Variants in NOTCH2NLC observed in about 807,000 individuals in gnomAD.
NOTCH2NLC encodes the protein notch homolog 2 N-terminal-like protein C.
In NOTCH2NLC, 4 loss-of-function variants were observed where a neutral mutation model predicts 17.7. That is an observed-to-expected ratio of 0.23 (90% CI 0.11 to 0.52). The LOEUF (loss-of-function observed/expected upper bound fraction) is 0.52. NOTCH2NLC is among the 20% of genes least tolerant of loss of function. The pLI is 0.96. For synonymous variants in NOTCH2NLC, 18 were observed against 86.0 expected (o/e 0.21, Z 4.38); for missense variants, 57 against 207.2 (o/e 0.28, Z 4.45).
At chr1:149,432,485 C>A (rs1473994571) in intron 2 of NOTCH2NLC, among the ~76,000 whole-genome samples, 61 of 151,190 alleles carry the variant, frequency 4.0e-4, no homozygotes, top group African/African-American at 1.4e-3. Flanking sequence ...ACATGTGGTG[C>A]ATTCTCCTCT....
At chr1:149,444,995 C>A (rs1190921577) in intron 2 of NOTCH2NLC, among the ~76,000 whole-genome samples, 1 of 148,272 alleles carries the variant, frequency 6.7e-6, no homozygotes, top group Non-Finnish European at 1.5e-5. Flanking sequence ...GTGGGAATGG[C>A]AAGAAGTAGT....
intron 1 of NOTCH2NLC, among the ~76,000 whole-genome samples, chr1:149,393,119 G>A (rs2084185030): frequency 6.7e-6 from 1 of 149,356 alleles, no homozygotes; most frequent in Admixed American, 6.7e-5. Flanking sequence ...GTCAGAAATG[G>A]GATTACTCTG....
chr1:149,433,385 A>C (rs2084464375), intron 2 of NOTCH2NLC, among the ~76,000 whole-genome samples: 1 of 148,750 alleles, frequency 6.7e-6, no homozygotes, highest in Non-Finnish European at 1.5e-5. Context: ...ACCATGGCAC[A>C]TGTATACCTA....
At chr1:149,449,697 G>A (rs2084580644) in intron 2 of NOTCH2NLC, among the ~76,000 whole-genome samples, 1 of 151,246 alleles carries the variant, frequency 6.6e-6, no homozygotes, top group South Asian at 2.1e-4. Flanking sequence ...GTAGACTTTA[G>A]TATTTCCAGA....
In NOTCH2NLC at chr1:149,471,811, A is replaced by G. The variant is rs1213374914; in HGVS notation, c.*7658A>G. Among the ~76,000 whole-genome samples the G allele has an allele frequency of 6.8e-6, 1 of 146,666 alleles. No homozygotes were observed. Among genetic ancestry groups the G allele is most frequent in the Non-Finnish European group, 1.5e-5 (1 of 66,190 alleles). On this transcript the variant is annotated 3_prime_UTR_variant, in exon 5 of 5. Transcript: ENST00000650865. ...TACTATGGAACTAATAATAACAGTA[A>G]TAAAGCAAGGTGTCTTTCCACATCT... is the stretch of plus-strand genomic sequence containing the variant.
intron 1 of NOTCH2NLC, among the ~76,000 whole-genome samples, chr1:149,423,949 A>T (rs2084396038): frequency 6.7e-6 from 1 of 150,148 alleles, no homozygotes; most frequent in African/African-American, 2.5e-5. Context: ...ACACTGGCTG[A>T]AGTACAGACT....
In NOTCH2NLC at chr1:149,468,803, G is replaced by C. The variant is rs1341940885; in HGVS notation, c.*4650G>C. ...AAGCAGTGAGCCTGGGCGGGTGATG[G>C]AGTGGGAGATACGTGGCACAGGGGT... On this transcript the variant is annotated 3_prime_UTR_variant, in exon 5 of 5. Transcript: ENST00000650865. Among the ~76,000 whole-genome samples the C allele has an allele frequency of 4.2e-5, 6 of 141,768 alleles. No individual in the cohort carries two copies. The Admixed American group carries it at 4.4e-4, about 10-fold the overall frequency. The allele number at this position is 141,768 out of a possible 152,430, so 93.0% of individuals were successfully genotyped here.
intron 1 of NOTCH2NLC, among the ~76,000 whole-genome samples, chr1:149,396,147 T>G (rs1248015824): frequency 2.8e-5 from 4 of 145,286 alleles, no homozygotes; most frequent in Non-Finnish European, 4.6e-5. Context: ...TTTGAAGAGA[T>G]AGGATCAGTT....
chr1:149,441,016 C>T (rs2084515969), intron 2 of NOTCH2NLC, among the ~76,000 whole-genome samples: 1 of 150,820 alleles, frequency 6.6e-6, no homozygotes, highest in South Asian at 2.1e-4. Flanking sequence ...GGCCTTGACT[C>T]TTGATTCTTA....
chr1:149,412,740 G>T (rs2084305549), intron 1 of NOTCH2NLC, among the ~76,000 whole-genome samples: 1 of 132,490 alleles, frequency 7.5e-6, no homozygotes, highest in African/African-American at 2.7e-5. Context: ...TTGAACCTGG[G>T]AGGCGGAGGC....
rs2084342852 is a variant in NOTCH2NLC, at chr1:149,417,448, G to C, written c.136-13494G>C. On this transcript the variant is annotated intron_variant, in intron 1 of 4. Coordinates refer to ENST00000650865, the MANE Select transcript of NOTCH2NLC (RefSeq NM_001364013.2). ...CTAACTGCGTATTTACAGATGTAGT[G>C]AGTGAAAGGAATGTTGGGTCAGTAG... Among the ~76,000 whole-genome samples, 2 of 151,392 alleles carry C rather than the reference G, an allele frequency of 1.3e-5. 1 individual carries two copies. Among genetic ancestry groups the C allele is most frequent in the Admixed American group, 1.3e-4 (2 of 15,200 alleles).
At chr1:149,392,555 C>T (rs2084175218) in intron 1 of NOTCH2NLC, among the ~76,000 whole-genome samples, 1 of 150,566 alleles carries the variant, frequency 6.6e-6, no homozygotes, top group East Asian at 2.0e-4. Context: ...TTTGCTTTTC[C>T]TTTTTCTTTG....
rs1279152859 is a variant in NOTCH2NLC at position 149,464,816 on chromosome 1, C to G, written c.*663C>G. The G allele has an allele frequency of 6.6e-6, 1 of 151,328 alleles. No individual in the cohort carries two copies. The highest frequency in any genetic ancestry group is 6.6e-5 in the Admixed American group (1 of 15,114). The allele number at this position is 151,328 out of a possible 1,614,324, so 9.4% of individuals were successfully genotyped here. A position where few individuals can be genotyped will look rare whatever the true frequency, so the allele number is the denominator to read the frequency against. On this transcript the variant is annotated 3_prime_UTR_variant, in exon 5 of 5. Transcript: ENST00000650865. ...TAATGTGCTAAGTAAGCAGAATTGC[C>G]TCCAAAAGAAGTTGTTCTAGTTACT...
chr1:149,413,122 G>A (rs1490547890), intron 1 of NOTCH2NLC, among the ~76,000 whole-genome samples: 1 of 150,186 alleles, frequency 6.7e-6, no homozygotes, highest in African/African-American at 2.4e-5. Flanking sequence ...TGGTCAGGCT[G>A]GTTTTGAACT....
intron 1 of NOTCH2NLC, among the ~76,000 whole-genome samples, chr1:149,392,646 T>A (rs1341201780): frequency 6.6e-6 from 1 of 151,434 alleles, no homozygotes; most frequent in African/African-American, 2.4e-5. Flanking sequence ...CCTTGGTCTA[T>A]CATTAACTTG....
intron 1 of NOTCH2NLC, among the ~76,000 whole-genome samples, chr1:149,393,160 C>A (rs1334097725): frequency 6.7e-6 from 1 of 149,806 alleles, no homozygotes; most frequent in South Asian, 2.1e-4. Context: ...TATAGGATCT[C>A]AGTGCATAAA....
chr1:149,455,444 AG>A lies in NOTCH2NLC; in HGVS notation c.339del (p.Phe114LeufsTer21), dbSNP rs2101507697. ...GGAAAGCCACGTGCCGATGTGCCTC[AG>A]GGTTTACAGGAGAGGACTGCCAGTA... ...LGKATCRCASGFTGEDCQYST... is the reference protein window; with the variant it reads ...LGKATCRCASXFTGEDCQYST... On this transcript the variant is annotated frameshift_variant, in exon 3 of 5. Transcript: ENST00000650865. LOFTEE classifies it high-confidence loss of function. 1 of 828,622 alleles carries A rather than the reference AG, an allele frequency of 1.2e-6. No homozygotes were observed. The highest frequency in any genetic ancestry group is 2.2e-5 in the Admixed American group (1 of 45,424). 51.3% of individuals were successfully genotyped at this position (828,622 alleles called of 1,614,324 possible).
chr1:149,419,008 C>A, intron 1 of NOTCH2NLC, among the ~76,000 whole-genome samples: 1 of 148,886 alleles, frequency 6.7e-6, no homozygotes, highest in Non-Finnish European at 1.5e-5. Context: ...TGCTTCCTTC[C>A]TCTCTCTTTC....
intron 1 of NOTCH2NLC, among the ~76,000 whole-genome samples, chr1:149,425,436 G>A (rs1355348020): frequency 1.3e-5 from 2 of 151,434 alleles, no homozygotes; most frequent in Non-Finnish European, 3.0e-5. Flanking sequence ...ATGACGATCT[G>A]TTCAGGAAAG....
Sources: gnomAD v4.1 joint callset for allele counts (sites outside exome capture counted in the v4.1 genomes callset) on GRCh38, gnomAD v4.1.1 for gene constraint, MANE v1.5 for transcripts, NCBI Gene and HGNC (gene_info 2026-07-23, HGNC 2026-07-21) for gene names.